C12orf42: variants seen among roughly 807,000 people sequenced by gnomAD.
The protein encoded by C12orf42 is uncharacterized protein C12orf42.
Under a neutral mutation model 21.6 loss-of-function variants are expected in C12orf42, and 25 were observed. The ratio of observed to expected loss-of-function variants is 1.16; its 90% CI spans 0.84 to 1.62. C12orf42 has a LOEUF of 1.62. Among genes scored for constraint, C12orf42 ranks in the 40% most tolerant of loss-of-function variants. The pLI, the probability that C12orf42 is intolerant of heterozygous loss-of-function variation, is 0.00. For synonymous variants in C12orf42, 174 were observed against 175.0 expected (o/e 0.99, Z 0.05); for missense variants, 483 against 459.3 (o/e 1.05, Z -0.47).
chr12:103,187,530 G>T, the C12orf42 span, among the ~76,000 whole-genome samples: 2 of 152,292 alleles, frequency 1.3e-5, no homozygotes, highest in Middle Eastern at 3.4e-3. Flanking sequence ...GGCAAGTAAA[G>T]ATCTCTTTGC....
In C12orf42 at chr12:103,254,128, T is replaced by C. The variant is rs1485441776; in HGVS notation, c.*1366+9198A>G. 2.0e-5 allele frequency among the ~76,000 whole-genome samples: 3 copies of C among 152,220 alleles called. No individual in the cohort carries two copies. In the South Asian group the frequency reaches 6.2e-4, roughly 31 times the overall value. ...GTTTTGAGATTTACATTTAAGTCTT[T>C]AATCCATCTTGAGTTAATTTTTGTA... On this transcript the variant is annotated intron_variant and NMD_transcript_variant, in intron 10 of 10. Transcript: ENST00000547347.
chr12:103,355,133 T>G (rs965723145), intron 4 of C12orf42, among the ~76,000 whole-genome samples: 14 of 152,166 alleles, frequency 9.2e-5, no homozygotes, highest in African/African-American at 3.1e-4. Context: ...CTTAGAGTAT[T>G]CCCCCTTTGA....
chr12:103,550,041 GT>G, the C12orf42 span, among the ~76,000 whole-genome samples: 2 of 151,932 alleles, frequency 1.3e-5, no homozygotes, highest in Non-Finnish European at 2.9e-5. Context: ...AGATATCAGA[GT>G]TTTCTTTTTG....
the C12orf42 span, among the ~76,000 whole-genome samples, chr12:103,194,616 G>A: frequency 1.3e-5 from 2 of 151,976 alleles, no homozygotes; most frequent in African/African-American, 2.4e-5. Flanking sequence ...AAGTGAAAAG[G>A]TGGAAAACAT....
At chr12:103,057,961 CTTT>C in the C12orf42 span, among the ~76,000 whole-genome samples, 1 of 141,134 alleles carries the variant, frequency 7.1e-6, no homozygotes. Context: ...TGATAATGAG[CTTT>C]TTTTTTTTTT....
intron 4 of C12orf42, among the ~76,000 whole-genome samples, chr12:103,290,769 T>C (rs1279282115): frequency 1.3e-5 from 2 of 152,172 alleles, no homozygotes; most frequent in African/African-American, 4.8e-5. Context: ...GTGGTGTTAA[T>C]TCCATGCACG....
intron 10 of C12orf42, among the ~76,000 whole-genome samples, chr12:103,260,765 A>C (rs1023274740): frequency 2.6e-5 from 4 of 152,174 alleles, no homozygotes; most frequent in Non-Finnish European, 5.9e-5. Context: ...GTTTTTGCAT[A>C]GTTTATCCAG....
intron 1 of C12orf42, among the ~76,000 whole-genome samples, chr12:103,483,874 A>G (rs1201543703): frequency 1.3e-5 from 2 of 151,980 alleles, no homozygotes; most frequent in Non-Finnish European, 2.9e-5. Flanking sequence ...AAGTGTTCTC[A>G]TTGTTCAGTT....
chr12:103,177,572 T>C, the C12orf42 span, among the ~76,000 whole-genome samples: 1 of 152,178 alleles, frequency 6.6e-6, no homozygotes, highest in Non-Finnish European at 1.5e-5. Flanking sequence ...TGTGAAAGCA[T>C]AGAACTGCCA....
At chr12:103,256,360 A>G (rs985888706) in intron 10 of C12orf42, among the ~76,000 whole-genome samples, 1 of 151,716 alleles carries the variant, frequency 6.6e-6, no homozygotes, top group African/African-American at 2.4e-5. Context: ...CCAAAAGTCT[A>G]GGAGCAATGT....
chr12:103,372,914 T>C (rs1163452413), intron 3 of C12orf42, among the ~76,000 whole-genome samples: 2 of 152,326 alleles, frequency 1.3e-5, no homozygotes, highest in East Asian at 3.9e-4. Flanking sequence ...TGCAGTATTA[T>C]ATTCAAACTG....
intron 2 of C12orf42, chr12:103,471,934 C>A (rs1310551423): frequency 1.3e-5 from 2 of 152,204 alleles, no homozygotes; most frequent in African/African-American, 4.8e-5. Context: ...CACTTCACTA[C>A]CTTTTCCCAT....
the C12orf42 span, among the ~76,000 whole-genome samples, chr12:103,103,433 A>G: frequency 2.0e-5 from 3 of 152,234 alleles, no homozygotes; most frequent in East Asian, 1.9e-4. Context: ...ACAAGGACAC[A>G]GGGAAAAGGA....
intron 2 of C12orf42, among the ~76,000 whole-genome samples, chr12:103,421,006 T>A (rs867096772): frequency 1.3e-5 from 2 of 152,314 alleles, no homozygotes; most frequent in Middle Eastern, 3.4e-3. Flanking sequence ...AAATCTTTTA[T>A]TTTATTGTAC....
chr12:103,318,194 T>C (rs894023399), intron 4 of C12orf42, among the ~76,000 whole-genome samples: 2 of 151,912 alleles, frequency 1.3e-5, no homozygotes, highest in Non-Finnish European at 2.9e-5. Context: ...GAGGTTGAGG[T>C]AGGAAGACTA....
chr12:103,251,052 T>A (rs2034275147), intron 10 of C12orf42, among the ~76,000 whole-genome samples: 1 of 152,122 alleles, frequency 6.6e-6, no homozygotes, highest in African/African-American at 2.4e-5. Context: ...ATTCACCTAG[T>A]GTTTATCAAG....
chr12:103,235,468 A>G (rs2033438925), downstream of C12orf42, among the ~76,000 whole-genome samples: 1 of 152,186 alleles, frequency 6.6e-6, no homozygotes, highest in Admixed American at 6.5e-5. Flanking sequence ...TACCTGAGGT[A>G]AATACCAATC....
chr12:103,412,990 T>C (rs943433579), intron 2 of C12orf42, among the ~76,000 whole-genome samples: 1 of 152,190 alleles, frequency 6.6e-6, no homozygotes, highest in African/African-American at 2.4e-5. Context: ...ATGTTTTGTT[T>C]TGTTGCAATT....
the C12orf42 span, among the ~76,000 whole-genome samples, chr12:103,528,531 G>T: frequency 1.3e-5 from 2 of 152,166 alleles, no homozygotes; most frequent in Non-Finnish European, 2.9e-5. Flanking sequence ...GGGAGTTCTA[G>T]CTCTGTTAGT....
Sources: gnomAD v4.1 joint callset for allele counts (sites outside exome capture counted in the v4.1 genomes callset) on GRCh38, gnomAD v4.1.1 for gene constraint, MANE v1.5 for transcripts, NCBI Gene and HGNC (gene_info 2026-07-23, HGNC 2026-07-21) for gene names.